The following KCNG2 variants were observed in gnomAD, a reference collection of about 807,000 sequenced individuals.
KCNG2 encodes potassium voltage-gated channel modifier subfamily G member 2, also known as voltage-gated potassium channel regulatory subunit KCNG2.
Under a neutral mutation model 12.3 loss-of-function variants are expected in KCNG2, and 7 were observed. That is an observed-to-expected ratio of 0.57 (90% CI 0.32 to 1.07). KCNG2 has a LOEUF of 1.07. KCNG2 is among the 50% of genes least tolerant of loss of function. The pLI is 0.04. For missense variants in KCNG2, 703 were observed against 726.0 expected (o/e 0.97, Z 0.36); for synonymous variants, 414 against 351.4 (o/e 1.18, Z -1.99).
intron 3 of KCNG2, among the ~76,000 whole-genome samples, chr18:79,888,565 GTCC>G (rs1262787711): frequency 6.6e-6 from 1 of 151,760 alleles, no homozygotes; most frequent in East Asian, 1.9e-4. Flanking sequence ...GGACGGCGGC[GTCC>G]TCCTCCTGAA....
At chr18:79,847,953 T>C (rs1354451322) in intron 1 of KCNG2, among the ~76,000 whole-genome samples, 1 of 152,240 alleles carries the variant, frequency 6.6e-6, no homozygotes, top group Non-Finnish European at 1.5e-5. Context: ...TAGCCAGATT[T>C]AAACAAAATA....
intron 3 of KCNG2, among the ~76,000 whole-genome samples, chr18:79,864,696 C>T (rs1034837152): frequency 4.6e-5 from 7 of 152,146 alleles, no homozygotes; most frequent in Admixed American, 1.3e-4. Context: ...GAGACCCAAC[C>T]GCATTGTTTC....
intron 3 of KCNG2, among the ~76,000 whole-genome samples, chr18:79,864,752 A>G (rs1410823411): frequency 7.9e-5 from 12 of 151,736 alleles, no homozygotes; most frequent in African/African-American, 2.9e-4. Flanking sequence ...CTGGCTATGG[A>G]ACCGAGGTCT....
intron 1 of KCNG2, among the ~76,000 whole-genome samples, chr18:79,839,095 A>G (rs1264383340): frequency 6.6e-6 from 1 of 152,208 alleles, no homozygotes; most frequent in African/African-American, 2.4e-5. Flanking sequence ...CAGGAATCCA[A>G]CACCAGCCTG....
Position 79,802,289 on chromosome 18 carries a change from G to A in KCNG2, c.-115+4275G>A, listed in dbSNP as rs192833023. 1.8e-3 allele frequency among the ~76,000 whole-genome samples: 279 copies of A among 152,326 alleles called. 3 individuals are homozygous for A. Among genetic ancestry groups the A allele is most frequent in the South Asian group, 0.014 (66 of 4,834 alleles). On this transcript the variant is annotated intron_variant, in intron 1 of 3. Coordinates refer to ENST00000316249, the MANE Select transcript of KCNG2 (RefSeq NM_012283.2). Reference sequence around the variant, plus strand: ...AAAGCACTTAGAAGACCAGGTGGACGCGGCTCATGGAGGGGCGTCTGGGGA... The same window carrying A: ...AAAGCACTTAGAAGACCAGGTGGACACGGCTCATGGAGGGGCGTCTGGGGA...
intron 3 of KCNG2, among the ~76,000 whole-genome samples, chr18:79,877,583 C>T (rs761094160): frequency 6.6e-6 from 1 of 152,110 alleles, no homozygotes; most frequent in African/African-American, 2.4e-5. Flanking sequence ...TCCGCCCCCC[C>T]CGAGAGTCAC....
intron 1 of KCNG2, among the ~76,000 whole-genome samples, chr18:79,855,226 T>C (rs1978969318): frequency 6.6e-6 from 1 of 152,202 alleles, no homozygotes; most frequent in East Asian, 1.9e-4. Flanking sequence ...TGGGGCTTTG[T>C]CTGTGGGAAT....
intron 1 of KCNG2, among the ~76,000 whole-genome samples, chr18:79,834,819 G>T (rs953201504): frequency 6.6e-5 from 10 of 152,228 alleles, no homozygotes; most frequent in Non-Finnish European, 1.5e-4. Context: ...TTGAGCAGGA[G>T]GAGCTGGTTC....
chr18:79,830,657 C>T (rs12373410), intron 1 of KCNG2, among the ~76,000 whole-genome samples: 51,596 of 147,452 alleles, frequency 0.35, 11,168 homozygotes, highest in Non-Finnish European at 0.45. Flanking sequence ...CCAAGCATTC[C>T]CTGCGGACAG....
intron 1 of KCNG2, among the ~76,000 whole-genome samples, chr18:79,843,091 C>T (rs4423489): frequency 1 from 152,314 of 152,346 alleles, 76,141 homozygotes; most frequent in Non-Finnish European, 1. Flanking sequence ...CAATGAGAAT[C>T]TTGAAAGCAG....
At chr18:79,875,153 C>T (rs1366972114) in intron 3 of KCNG2, among the ~76,000 whole-genome samples, 2 of 152,196 alleles carry the variant, frequency 1.3e-5, no homozygotes, top group Admixed American at 6.5e-5. Flanking sequence ...GAGTTATCCC[C>T]CTAACTTCCC....
At chr18:79,825,081 G>A (rs1334624203) in intron 1 of KCNG2, among the ~76,000 whole-genome samples, 1 of 37,264 alleles carries the variant, frequency 2.7e-5, no homozygotes, top group African/African-American at 4.1e-5. Flanking sequence ...AAACCTGTCG[G>A]GGCTTAGTGC....
rs950996742 is a variant in KCNG2, at chr18:79,890,544, G to A, written c.625-8496G>A. Among the ~76,000 whole-genome samples, 9 of 152,264 alleles carry A rather than the reference G, an allele frequency of 5.9e-5. 1 individual carries two copies. The South Asian group carries it at 1.9e-3, about 32-fold the overall frequency. On this transcript the variant is annotated intron_variant, in intron 3 of 3. Coordinates refer to ENST00000316249, the MANE Select transcript of KCNG2 (RefSeq NM_012283.2). ...TCCATGAGCACCCAACGTTTAGCTC[G>A]CACTTACGAGTGAGAACATGCTGTA...
intron 1 of KCNG2, among the ~76,000 whole-genome samples, chr18:79,828,679 GTGCGTGTGTCCGTCTACAGGAATT>G (rs1215035840): frequency 1.3e-5 from 2 of 151,674 alleles, no homozygotes; most frequent in African/African-American, 2.4e-5. Flanking sequence ...ATGTCTATGT[GTGCGTGTGTCCGTCTACAGGAATT>G]TGCGTGTGTG....
intron 3 of KCNG2, among the ~76,000 whole-genome samples, chr18:79,873,696 C>T (rs1979954789): frequency 6.6e-6 from 1 of 152,148 alleles, no homozygotes; most frequent in Admixed American, 6.5e-5. Context: ...CTGAACTTTG[C>T]GATTTGGAAA....
chr18:79,892,773 G>T (rs1251945004), intron 3 of KCNG2, among the ~76,000 whole-genome samples: 1 of 144,138 alleles, frequency 6.9e-6, no homozygotes, highest in Admixed American at 7.0e-5. Context: ...CATTCAAAAT[G>T]ATTGATATAG....
chr18:79,798,140 G>A (rs1439176465), intron 1 of KCNG2, among the ~76,000 whole-genome samples, 126 bp downstream of exon 1: 1 of 151,542 alleles, frequency 6.6e-6, no homozygotes, highest in Non-Finnish European at 1.5e-5. Context: ...CTTCTTCTCC[G>A]GGTGCGCGGT....
In KCNG2 at chr18:79,899,451, G is replaced by A. The variant is rs1306791911; in HGVS notation, c.1036G>A (p.Glu346Lys). 4 of 1,600,080 alleles carry A rather than the reference G, an allele frequency of 2.5e-6. No individual in the cohort carries two copies. The highest frequency in any genetic ancestry group is 3.4e-5 in the Admixed American group (2 of 58,582). Residue 346 changes from glutamate (E) to lysine (K), a missense_variant, in exon 4 of 4, where the codon GAG becomes AAG. By Grantham distance (56) the Glu-to-Lys change is moderately conservative. Transcript: ENST00000316249. ...FAPLVHLAER[E>K]LGARRDFSSV... ...GCCACTGGTGCACCTGGCCGAGCGC[G>A]AGCTGGGCGCGCGCCGCGACTTCTC...
At chr18:79,865,802 G>A (rs370685262) in intron 3 of KCNG2, among the ~76,000 whole-genome samples, 1 of 133,990 alleles carries the variant, frequency 7.5e-6, no homozygotes, top group East Asian at 2.2e-4. Flanking sequence ...TGAGAGGTCT[G>A]TGTGCTGAGA....
Sources: allele counts gnomAD v4.1 joint callset (sites outside exome capture counted in the v4.1 genomes callset), GRCh38; gene constraint gnomAD v4.1.1; transcripts MANE v1.5; gene names NCBI Gene and HGNC (gene_info 2026-07-23, HGNC 2026-07-21).